GRID1: variants seen among roughly 807,000 people sequenced by gnomAD.
The protein encoded by GRID1 is glutamate receptor ionotropic, delta-1.
A neutral mutation model predicts 98.0 loss-of-function variants in GRID1; 28 were observed. That is an observed-to-expected ratio of 0.29 (90% CI 0.21 to 0.39). The LOEUF is 0.39. Among genes scored for constraint, GRID1 ranks in the 10% least tolerant of loss-of-function variants. The pLI is 1.00. For synonymous variants in GRID1, 553 were observed against 538.5 expected (o/e 1.03, Z -0.37); for missense variants, 1,111 against 1,340.5 (o/e 0.83, Z 2.67).
rs148912652 is a variant in GRID1 at position 85,958,349 on chromosome 10, C to T, written c.727-42110G>A. The stretch of plus-strand genomic sequence containing the variant: ...TATGAACACACTAAACAATACAATA[C>T]CCATCTGTCACCTCAAGGCCCCTTG... On this transcript the variant is annotated intron_variant, in intron 4 of 15. Coordinates refer to ENST00000327946, the MANE Select transcript of GRID1 (RefSeq NM_017551.3). Among the ~76,000 whole-genome samples the T allele has an allele frequency of 2.4e-3, 373 of 152,318 alleles. 4 individuals carry two copies. The highest frequency in any genetic ancestry group is 8.6e-3 in the African/African-American group (356 of 41,564).
chr10:85,978,906 A>G (rs1218991526), intron 4 of GRID1, among the ~76,000 whole-genome samples: 1 of 152,208 alleles, frequency 6.6e-6, no homozygotes, highest in Non-Finnish European at 1.5e-5. Context: ...TCCATTTTAT[A>G]TACAGAGAAA....
chr10:85,929,584 A>G (rs75465755), intron 4 of GRID1, among the ~76,000 whole-genome samples: 5,959 of 152,348 alleles, frequency 0.039, 380 homozygotes, highest in African/African-American at 0.14. Context: ...GTATAAGGGT[A>G]CAATCAAATG....
chr10:86,242,403 T>G (rs559383077), intron 2 of GRID1, among the ~76,000 whole-genome samples: 1 of 152,110 alleles, frequency 6.6e-6, no homozygotes, highest in Non-Finnish European at 1.5e-5. Flanking sequence ...CTCAGGGGGC[T>G]AGGCTGAGGG....
At chr10:86,085,919 C>T (rs183140917) in intron 4 of GRID1, among the ~76,000 whole-genome samples, 8 of 152,256 alleles carry the variant, frequency 5.3e-5, no homozygotes, top group Admixed American at 2.0e-4. Context: ...CCCAGCATCC[C>T]GAGCTTGCTT....
At chr10:86,179,087 A>G (rs944861756) in intron 3 of GRID1, among the ~76,000 whole-genome samples, 5 of 152,080 alleles carry the variant, frequency 3.3e-5, no homozygotes, top group Non-Finnish European at 5.9e-5. Flanking sequence ...AGGTGTTTCC[A>G]GGCTCCAGAC....
At chr10:86,130,289 A>G (rs1045948383) in intron 4 of GRID1, among the ~76,000 whole-genome samples, 4 of 152,236 alleles carry the variant, frequency 2.6e-5, no homozygotes, top group African/African-American at 9.6e-5. Context: ...CCAGATTCCT[A>G]CCAGTGATGT....
intron 5 of GRID1, among the ~76,000 whole-genome samples, chr10:85,879,301 A>G (rs1439242203): frequency 1.3e-5 from 2 of 152,200 alleles, no homozygotes; most frequent in Non-Finnish European, 2.9e-5. Context: ...TCTCCACCCC[A>G]AATCAACAGA....
chr10:86,255,240 T>A (rs1846899518), intron 2 of GRID1, among the ~76,000 whole-genome samples: 1 of 152,264 alleles, frequency 6.6e-6, no homozygotes, highest in Admixed American at 6.5e-5. Flanking sequence ...GCATCTATAT[T>A]GTATCTGTAC....
At chr10:85,649,391 T>C (rs1843236892) in intron 12 of GRID1, among the ~76,000 whole-genome samples, 1 of 152,210 alleles carries the variant, frequency 6.6e-6, no homozygotes, top group Admixed American at 6.5e-5. Context: ...TTATTGTTCA[T>C]TATTTATATC....
intron 4 of GRID1, among the ~76,000 whole-genome samples, chr10:86,060,101 C>T (rs1002170661): frequency 2.6e-5 from 4 of 152,178 alleles, no homozygotes; most frequent in Non-Finnish European, 5.9e-5. Context: ...AATAAAATTG[C>T]TCCATAACTG....
intron 8 of GRID1, among the ~76,000 whole-genome samples, chr10:85,838,936 A>C (rs180773189): frequency 4.1e-5 from 6 of 147,768 alleles, no homozygotes; most frequent in Admixed American, 2.0e-4. Context: ...GCTCAAAATA[A>C]AGAAAGGAAA....
intron 4 of GRID1, among the ~76,000 whole-genome samples, chr10:86,135,705 T>C (rs1844914272): frequency 1.3e-5 from 2 of 151,496 alleles, no homozygotes; most frequent in Admixed American, 6.6e-5. Context: ...AAGGCCAGGC[T>C]CACAGAACCT....
At chr10:86,196,959 T>TC (rs1845883077) in intron 3 of GRID1, among the ~76,000 whole-genome samples, 1 of 152,082 alleles carries the variant, frequency 6.6e-6, no homozygotes, top group African/African-American at 2.4e-5. Flanking sequence ...ATCAATTCAC[T>TC]CATTCACTCA....
chr10:85,865,125 G>C (rs888812346), intron 6 of GRID1, among the ~76,000 whole-genome samples: 8 of 152,134 alleles, frequency 5.3e-5, no homozygotes, highest in African/African-American at 1.7e-4. Flanking sequence ...TTTATTACTG[G>C]CTGAGTCAGA....
intron 12 of GRID1, among the ~76,000 whole-genome samples, chr10:85,720,407 T>G (rs1307861203): frequency 6.6e-6 from 1 of 152,034 alleles, no homozygotes; most frequent in African/African-American, 2.4e-5. Context: ...GAGGAATCAC[T>G]CTACCCTATA....
intron 4 of GRID1, among the ~76,000 whole-genome samples, chr10:86,031,835 T>C (rs78664369): frequency 0.042 from 6,461 of 152,288 alleles, 400 homozygotes; most frequent in African/African-American, 0.14. Flanking sequence ...GACCTGTTGC[T>C]GAGGTGTTTC....
chr10:86,365,139 G>A lies in GRID1; in HGVS notation c.80-1043C>T, dbSNP rs957964237. ...GAGCCGGCGCCGCAATGCTGACCGC[G>A]AGACCCGCACCCCTCCAGGGCGGGA... On this transcript the variant is annotated intron_variant, in intron 1 of 15. Transcript: ENST00000327946. The surrounding 1 kb of genome is among the most constrained non-coding windows in gnomAD (Gnocchi z 4.8). 7.2e-5 allele frequency among the ~76,000 whole-genome samples: 11 copies of A among 151,932 alleles called. No individual in the cohort carries two copies. The highest frequency in any genetic ancestry group is 2.4e-4 in the African/African-American group (10 of 41,344).
intron 2 of GRID1, among the ~76,000 whole-genome samples, chr10:86,322,333 A>T (rs934545443): frequency 6.6e-6 from 1 of 152,162 alleles, no homozygotes; most frequent in African/African-American, 2.4e-5. Flanking sequence ...AGAAAAGAAA[A>T]TGCAGAAACA....
chr10:85,797,375 C>T (rs1590236338), intron 8 of GRID1, among the ~76,000 whole-genome samples: 1 of 152,156 alleles, frequency 6.6e-6, no homozygotes, highest in South Asian at 2.1e-4. Context: ...CACCTACCAA[C>T]TCTAGTAGTC....
Sources: allele counts gnomAD v4.1 joint callset (sites outside exome capture counted in the v4.1 genomes callset), GRCh38; gene constraint gnomAD v4.1.1; non-coding constraint Gnocchi (gnomAD v3.1); transcripts MANE v1.5; gene names NCBI Gene and HGNC (gene_info 2026-07-23, HGNC 2026-07-21).